Variants in TULP4 observed in about 807,000 individuals in gnomAD.
The protein encoded by TULP4 is TUB like protein 4, also known as tubby-related protein 4.
TULP4 carries 16 observed loss-of-function variants against 129.0 expected under a neutral mutation model. The observed-to-expected ratio is 0.12, with a 90% CI of 0.08 to 0.19. The LOEUF is 0.19. TULP4 is among the 10% of genes least tolerant of loss of function. The pLI, the probability that TULP4 is intolerant of heterozygous loss-of-function variation, is 1.00. For synonymous variants in TULP4, 998 were observed against 854.0 expected (o/e 1.17, Z -2.94); for missense variants, 1,842 against 2,059.1 (o/e 0.89, Z 2.04).
intron 1 of TULP4, among the ~76,000 whole-genome samples, chr6:158,408,421 C>A (rs771845041): frequency 6.6e-6 from 1 of 152,138 alleles, no homozygotes; most frequent in African/African-American, 2.4e-5. Flanking sequence ...TATGTAAATA[C>A]TGTGCTGAAG....
rs1780631466 is a variant in TULP4, at chr6:158,507,443, G to T, written c.*749G>T. ...AGCAGTACGAGGGCTACACTCCTCT[G>T]CTGAGGATGTCTACATTGAAAGCCT... is the stretch of plus-strand genomic sequence containing the variant. On this transcript the variant is annotated 3_prime_UTR_variant, in exon 14 of 14. Transcript: ENST00000367097. 1 of 152,252 alleles carries T rather than the reference G, an allele frequency of 6.6e-6. No individual in the cohort carries two copies. The highest frequency in any genetic ancestry group is 1.5e-5 in the Non-Finnish European group (1 of 68,062). The allele number at this position is 152,252 out of a possible 1,614,324, so 9.4% of individuals were successfully genotyped here. A position where few individuals can be genotyped will look rare whatever the true frequency, so the allele number is the denominator to read the frequency against.
At chr6:158,379,810 G>C (rs1040173250) in intron 1 of TULP4, among the ~76,000 whole-genome samples, 2 of 152,160 alleles carry the variant, frequency 1.3e-5, no homozygotes, top group African/African-American at 4.8e-5. Flanking sequence ...CTTTGAACTT[G>C]TGAAGTTTGA....
chr6:158,461,843 G>A, intron 6 of TULP4, 114 bp downstream of exon 6: 1 of 1,246,958 alleles, frequency 8.0e-7, no homozygotes, highest in Non-Finnish European at 1.1e-6. Context: ...GGTTGTGGTG[G>A]GTAAACCAGG....
chr6:158,260,667 G>A (rs1778335859), intron 1 of TULP4, among the ~76,000 whole-genome samples: 1 of 152,116 alleles, frequency 6.6e-6, no homozygotes, highest in African/African-American at 2.4e-5. Context: ...AGAGTGAGGG[G>A]AGAAGAGGGA....
upstream of TULP4, among the ~76,000 whole-genome samples, chr6:158,277,533 G>C (rs1038728764): frequency 1.3e-5 from 2 of 152,168 alleles, no homozygotes; most frequent in East Asian, 1.9e-4. Context: ...GGTTAATTGG[G>C]GAGATTTATG....
At chr6:158,267,673 G>T (rs763894653) in intron 1 of TULP4, among the ~76,000 whole-genome samples, 12 of 152,188 alleles carry the variant, frequency 7.9e-5, no homozygotes, top group Non-Finnish European at 1.5e-4. Context: ...AAATTGTGTG[G>T]CAATCCAAAG....
At chr6:158,237,415 T>G in intron 1 of TULP4, 1 of 1,603,818 alleles carries the variant, frequency 6.2e-7, no homozygotes, top group Non-Finnish European at 8.5e-7. Context: ...AGGTCTCTGG[T>G]GTCTTGGGGG....
chr6:158,424,685 A>AT (rs1778434096), intron 2 of TULP4, among the ~76,000 whole-genome samples: 1 of 152,134 alleles, frequency 6.6e-6, no homozygotes, highest in Non-Finnish European at 1.5e-5. Context: ...TACAAATGTA[A>AT]TTTTTTTCCA....
intron 6 of TULP4, among the ~76,000 whole-genome samples, chr6:158,464,642 G>A (rs944798021): frequency 2.6e-4 from 40 of 152,244 alleles, no homozygotes; most frequent in African/African-American, 8.7e-4. Flanking sequence ...CTTGTGATCC[G>A]CCCTCCTCGG....
At chr6:158,325,079 C>T (rs990335512) in intron 1 of TULP4, among the ~76,000 whole-genome samples, 1 of 152,004 alleles carries the variant, frequency 6.6e-6, no homozygotes, top group African/African-American at 2.4e-5. Context: ...TGGTTTGGGC[C>T]GTATTCCAAG....
chr6:158,388,316 G>GTTTTTTTTTTTTTTT (rs1377926300), intron 1 of TULP4, among the ~76,000 whole-genome samples: 3 of 92,798 alleles, frequency 3.2e-5, no homozygotes, highest in Non-Finnish European at 4.2e-5. Flanking sequence ...TAATCTGCTC[G>GTTTTTTTTTTTTTTT]TTTTTCTTTT....
At chr6:158,462,767 G>A (rs7774766) in intron 6 of TULP4, among the ~76,000 whole-genome samples, 55,811 of 100,056 alleles carry the variant, frequency 0.56, 11,817 homozygotes, top group South Asian at 0.64. Context: ...TTTTTTTTTT[G>A]AATTGGAGTT....
chr6:158,463,473 A>G (rs1329327008), intron 6 of TULP4, among the ~76,000 whole-genome samples: 1 of 151,916 alleles, frequency 6.6e-6, no homozygotes, highest in Non-Finnish European at 1.5e-5. Flanking sequence ...AGGAAGGGGA[A>G]CATCACACAC....
chr6:158,446,909 C>G (rs76839760), intron 3 of TULP4, among the ~76,000 whole-genome samples: 14,595 of 152,186 alleles, frequency 0.096, 742 homozygotes, highest in African/African-American at 0.12. Context: ...CCCTCACGAC[C>G]TTGTCTAAAC....
At chr6:158,277,236 C>T (rs1778663828) in intron 1 of TULP4, among the ~76,000 whole-genome samples, 1 of 152,210 alleles carries the variant, frequency 6.6e-6, no homozygotes, top group South Asian at 2.1e-4. Flanking sequence ...CCACCATGCC[C>T]AGCCCTACAG....
chr6:158,290,715 A>G (rs975881610), intron 1 of TULP4, among the ~76,000 whole-genome samples: 2 of 152,204 alleles, frequency 1.3e-5, no homozygotes, highest in African/African-American at 4.8e-5. Flanking sequence ...TATTTTAACT[A>G]TCCTTCTAAA....
chr6:158,244,563 T>G (rs1256124737), intron 1 of TULP4, among the ~76,000 whole-genome samples: 1 of 152,188 alleles, frequency 6.6e-6, no homozygotes, highest in Non-Finnish European at 1.5e-5. Context: ...ACCAGGAGGC[T>G]TGCTTTTTTT....
intron 1 of TULP4, among the ~76,000 whole-genome samples, chr6:158,342,776 T>C (rs1464776671): frequency 6.6e-6 from 1 of 152,170 alleles, no homozygotes; most frequent in Non-Finnish European, 1.5e-5. Context: ...ACATGGCCCC[T>C]TAGCTGTAAA....
chr6:158,370,002 C>A (rs1488302767), intron 1 of TULP4, among the ~76,000 whole-genome samples: 1 of 150,658 alleles, frequency 6.6e-6, no homozygotes, highest in African/African-American at 2.4e-5. Context: ...CAGCCATGGT[C>A]TCAAACTAGG....
Sources: gnomAD v4.1 joint callset for allele counts (sites outside exome capture counted in the v4.1 genomes callset) on GRCh38, gnomAD v4.1.1 for gene constraint, MANE v1.5 for transcripts, NCBI Gene and HGNC (gene_info 2026-07-23, HGNC 2026-07-21) for gene names.